LARGE1: variants seen among roughly 807,000 people sequenced by gnomAD.
The protein encoded by LARGE1 is LARGE xylosyl- and glucuronyltransferase 1.
Under a neutral mutation model 87.6 loss-of-function variants are expected in LARGE1, and 43 were observed. The ratio of observed to expected loss-of-function variants is 0.49; its 90% CI spans 0.38 to 0.63. LARGE1 has a LOEUF of 0.63. Ranked by LOEUF, LARGE1 falls within the 30% of genes least tolerant of loss-of-function variation. The pLI, the probability that LARGE1 is intolerant of heterozygous loss-of-function variation, is 0.00. For synonymous variants in LARGE1, 434 were observed against 394.6 expected (o/e 1.10, Z -1.18); for missense variants, 802 against 1,000.2 (o/e 0.80, Z 2.67).
At chr22:33,137,887 C>T in the LARGE1 span, among the ~76,000 whole-genome samples, 2 of 152,172 alleles carry the variant, frequency 1.3e-5, no homozygotes, top group Non-Finnish European at 2.9e-5. Flanking sequence ...CAGAAGTTTG[C>T]TGTAGGGGTG....
intron 6 of LARGE1, among the ~76,000 whole-genome samples, chr22:33,456,418 C>T (rs2068133221): frequency 6.6e-6 from 1 of 152,170 alleles, no homozygotes; most frequent in South Asian, 2.1e-4. Flanking sequence ...CAATTTTGGA[C>T]ATATTATTGT....
chr22:33,410,155 G>A (rs2066256905), intron 7 of LARGE1, among the ~76,000 whole-genome samples: 1 of 152,140 alleles, frequency 6.6e-6, no homozygotes, highest in Non-Finnish European at 1.5e-5. Context: ...GCCCTGGGAT[G>A]CCAGGATTAT....
At chr22:33,338,719 G>C (rs552000741) in intron 9 of LARGE1, among the ~76,000 whole-genome samples, 1 of 152,162 alleles carries the variant, frequency 6.6e-6, no homozygotes, top group Admixed American at 6.6e-5. Context: ...TGACTACTGA[G>C]TGCCTAGAGT....
At chr22:33,824,019 T>A (rs536813974) in intron 1 of LARGE1, among the ~76,000 whole-genome samples, 15 of 152,184 alleles carry the variant, frequency 9.9e-5, no homozygotes, top group Non-Finnish European at 2.1e-4. Flanking sequence ...TATATTATTA[T>A]CCCATCACAT....
intron 4 of LARGE1, among the ~76,000 whole-genome samples, chr22:33,625,244 A>G (rs1165598691): frequency 2.6e-5 from 4 of 152,210 alleles, no homozygotes; most frequent in Admixed American, 2.6e-4. Context: ...AGCCAAGGAC[A>G]CTGGCTGGAA....
At chr22:33,886,450 G>A (rs2064847192) in intron 1 of LARGE1, among the ~76,000 whole-genome samples, 1 of 152,134 alleles carries the variant, frequency 6.6e-6, no homozygotes, top group African/African-American at 2.4e-5. Context: ...GGCCAAGGCA[G>A]GTGAATCACT....
intron 7 of LARGE1, among the ~76,000 whole-genome samples, chr22:33,402,834 A>G (rs1359413595): frequency 2.6e-5 from 4 of 152,144 alleles, no homozygotes; most frequent in Non-Finnish European, 5.9e-5. Context: ...TGATACTGAG[A>G]GCTAACGGTG....
At chr22:33,337,321 A>G (rs1938579291) in intron 10 of LARGE1, among the ~76,000 whole-genome samples, 1 of 152,092 alleles carries the variant, frequency 6.6e-6, no homozygotes, top group Non-Finnish European at 1.5e-5. Flanking sequence ...GTCCACAAAA[A>G]CATTGGTGTT....
intron 10 of LARGE1, among the ~76,000 whole-genome samples, chr22:33,326,265 T>C (rs904168313): frequency 6.6e-6 from 1 of 152,214 alleles, no homozygotes; most frequent in African/African-American, 2.4e-5. Flanking sequence ...CAGTTATCAG[T>C]ATTAATTCAC....
intron 11 of LARGE1, among the ~76,000 whole-genome samples, chr22:33,209,193 C>T (rs5998807): frequency 0.023 from 3,429 of 152,326 alleles, 140 homozygotes; most frequent in African/African-American, 0.079. Flanking sequence ...GTGCTGTGAA[C>T]GAAACAAGTC....
chr22:33,239,506 G>C (rs946954808), intron 11 of LARGE1, among the ~76,000 whole-genome samples: 1 of 140,282 alleles, frequency 7.1e-6, no homozygotes, highest in African/African-American at 2.6e-5. Flanking sequence ...CACATCTTTT[G>C]TACGCCTTAC....
At chr22:33,101,345 T>C in the LARGE1 span, among the ~76,000 whole-genome samples, 1 of 152,348 alleles carries the variant, frequency 6.6e-6, no homozygotes, top group Non-Finnish European at 1.5e-5. Flanking sequence ...ACTTAACCTC[T>C]CTGTGTCTCA....
At chr22:33,602,887 A>G (rs1278411805) in intron 5 of LARGE1, among the ~76,000 whole-genome samples, 1 of 152,168 alleles carries the variant, frequency 6.6e-6, no homozygotes, top group Admixed American at 6.5e-5. Flanking sequence ...ACCCAAAGAA[A>G]GGTAAATGGT....
chr22:33,900,221 A>T (rs1489652057), intron 1 of LARGE1, among the ~76,000 whole-genome samples: 2 of 152,228 alleles, frequency 1.3e-5, no homozygotes, highest in Non-Finnish European at 2.9e-5. Context: ...AGTCAGGACA[A>T]GGAGGAACAC....
At chr22:33,113,162 A>G in the LARGE1 span, among the ~76,000 whole-genome samples, 5 of 152,090 alleles carry the variant, frequency 3.3e-5, no homozygotes, top group African/African-American at 1.2e-4. Context: ...ATATGGCAGG[A>G]AGTAAGTCTA....
At chr22:33,412,721 T>C (rs567551279) in intron 7 of LARGE1, among the ~76,000 whole-genome samples, 2 of 152,296 alleles carry the variant, frequency 1.3e-5, no homozygotes, top group East Asian at 3.9e-4. Context: ...AGTGCAGTGA[T>C]GCAATCTCAG....
chr22:33,849,881 G>A (rs969957912), intron 1 of LARGE1, among the ~76,000 whole-genome samples: 7 of 152,168 alleles, frequency 4.6e-5, no homozygotes, highest in East Asian at 3.8e-4. Flanking sequence ...GATTACAGGC[G>A]TGAGCCACTG....
At chr22:33,868,570 C>G (rs1568999820) in intron 1 of LARGE1, among the ~76,000 whole-genome samples, 1 of 152,162 alleles carries the variant, frequency 6.6e-6, no homozygotes, top group Non-Finnish European at 1.5e-5. Flanking sequence ...ACCATGACCT[C>G]CTCTTGCCCA....
At position 33,652,903 on chromosome 22, in the gene LARGE1, T is replaced by A. The variant is rs140995554; in HGVS notation, c.107-2235A>T. Among the ~76,000 whole-genome samples, 23 of 152,256 alleles carry A rather than the reference T, an allele frequency of 1.5e-4. 1 individual carries two copies. The East Asian group carries it at 4.4e-3, about 29-fold the overall frequency. Reference sequence around the variant, plus strand: ...TATCAATGCAACAAATATGACTCAATGAATTGCACTGCCTGGGACCACAAA... The same window carrying A: ...TATCAATGCAACAAATATGACTCAAAGAATTGCACTGCCTGGGACCACAAA... On this transcript the variant is annotated intron_variant, in intron 2 of 14. Coordinates refer to ENST00000397394, the MANE Select transcript of LARGE1 (RefSeq NM_133642.5).
Sources: gnomAD v4.1 joint callset for allele counts (sites outside exome capture counted in the v4.1 genomes callset) on GRCh38, gnomAD v4.1.1 for gene constraint, MANE v1.5 for transcripts, NCBI Gene and HGNC (gene_info 2026-07-23, HGNC 2026-07-21) for gene names.